PCCA: variants seen among roughly 807,000 people sequenced by gnomAD.
PCCA encodes the protein propionyl-CoA carboxylase subunit alpha, also known as propionyl-CoA carboxylase alpha chain, mitochondrial.
A neutral mutation model predicts 101.3 loss-of-function variants in PCCA; 74 were observed. The ratio of observed to expected loss-of-function variants is 0.73; its 90% confidence interval spans 0.61 to 0.89. PCCA has a LOEUF of 0.89. Among genes scored for constraint, PCCA ranks in the 40% least tolerant of loss-of-function variants. PCCA has a pLI of 0.00. For missense variants in PCCA, 891 were observed against 907.0 expected (o/e 0.98, Z 0.23); for synonymous variants, 294 against 313.6 (o/e 0.94, Z 0.66).
At chr13:100,170,488 A>G (rs2055523166) in intron 6 of PCCA, among the ~76,000 whole-genome samples, 1 of 152,240 alleles carries the variant, frequency 6.6e-6, no homozygotes, top group Non-Finnish European at 1.5e-5. Context: ...AGGATATTAC[A>G]ATGTTCCTAA....
chr13:100,440,828 T>C (rs1387213674), intron 20 of PCCA, among the ~76,000 whole-genome samples: 4 of 152,192 alleles, frequency 2.6e-5, no homozygotes, highest in Non-Finnish European at 4.4e-5. Context: ...TCGAATGAAG[T>C]AGGAAATGAA....
At chr13:100,529,909 C>T (rs1307441732) in intron 23 of PCCA, among the ~76,000 whole-genome samples, 189 bp from the exon 24 acceptor site, 3 of 152,140 alleles carry the variant, frequency 2.0e-5, no homozygotes, top group African/African-American at 7.2e-5. Context: ...GCCACGGCCA[C>T]GGCCACCATG....
At chr13:100,363,478 A>G (rs997366511) in intron 18 of PCCA, among the ~76,000 whole-genome samples, 9 of 152,074 alleles carry the variant, frequency 5.9e-5, no homozygotes, top group African/African-American at 1.9e-4. Context: ...CTTGCATAAC[A>G]TATCTTTTCA....
chr13:100,288,420 C>G (rs1280145117), intron 12 of PCCA, among the ~76,000 whole-genome samples: 3 of 152,198 alleles, frequency 2.0e-5, no homozygotes, highest in Non-Finnish European at 4.4e-5. Context: ...CCCCAGCCGC[C>G]CAGGTAGCTG....
At chr13:100,212,362 ATAG>A (rs1186538535) in intron 7 of PCCA, among the ~76,000 whole-genome samples, 6 of 152,254 alleles carry the variant, frequency 3.9e-5, no homozygotes, top group Non-Finnish European at 5.9e-5. Flanking sequence ...CATGGGACAC[ATAG>A]TAGACTATGT....
intron 19 of PCCA, among the ~76,000 whole-genome samples, chr13:100,382,155 C>T (rs950734763): frequency 2.0e-5 from 3 of 152,210 alleles, no homozygotes; most frequent in South Asian, 2.1e-4. Flanking sequence ...TGAGGTCACA[C>T]GAACTAATTG....
At chr13:100,409,338 T>G (rs2077882656) in intron 19 of PCCA, among the ~76,000 whole-genome samples, 2 of 152,166 alleles carry the variant, frequency 1.3e-5, no homozygotes, top group Admixed American at 6.5e-5. Flanking sequence ...GGACTTTTCC[T>G]TAGTTCGGCT....
At chr13:100,444,223 A>G (rs192613533) in intron 20 of PCCA, among the ~76,000 whole-genome samples, 15 of 140,580 alleles carry the variant, frequency 1.1e-4, no homozygotes, top group East Asian at 1.0e-3. Context: ...TTTTTTTGAG[A>G]CGGTGTCTCG....
At chr13:100,318,932 C>T (rs909209002) in intron 16 of PCCA, among the ~76,000 whole-genome samples, 3 of 152,144 alleles carry the variant, frequency 2.0e-5, no homozygotes, top group African/African-American at 7.2e-5. Context: ...AATGGTTGAA[C>T]TAGTTTACAG....
At chr13:100,179,712 A>G (rs563511211) in intron 6 of PCCA, among the ~76,000 whole-genome samples, 1 of 103,116 alleles carries the variant, frequency 9.7e-6, no homozygotes, top group East Asian at 2.0e-4. Flanking sequence ...TCTTCCCACA[A>G]TGGTTTATTT....
chr13:100,170,450 G>T (rs1386603294), intron 6 of PCCA, among the ~76,000 whole-genome samples: 3 of 152,126 alleles, frequency 2.0e-5, no homozygotes, highest in African/African-American at 7.2e-5. Flanking sequence ...GATCACTGGG[G>T]CTTTGTTTCT....
At chr13:100,429,890 A>C (rs1325745109) in intron 20 of PCCA, among the ~76,000 whole-genome samples, 3 of 151,650 alleles carry the variant, frequency 2.0e-5, no homozygotes, top group East Asian at 3.9e-4. Context: ...TACAGGTGTG[A>C]GCCATCACAC....
chr13:100,151,598 AAACC>A (rs904009177), intron 4 of PCCA, among the ~76,000 whole-genome samples: 3 of 152,168 alleles, frequency 2.0e-5, no homozygotes, highest in Admixed American at 6.5e-5. Context: ...CTCAAAAAAA[AAACC>A]AAACAAACAG....
intron 6 of PCCA, among the ~76,000 whole-genome samples, chr13:100,200,090 T>G (rs996579016): frequency 2.6e-5 from 4 of 152,056 alleles, no homozygotes; most frequent in African/African-American, 9.7e-5. Context: ...CTGTTCCAAC[T>G]CTTTATTTTT....
At chr13:100,369,537 C>G (rs1212695437) in intron 19 of PCCA, among the ~76,000 whole-genome samples, 1 of 152,160 alleles carries the variant, frequency 6.6e-6, no homozygotes, top group African/African-American at 2.4e-5. Context: ...CAGTTCCAAG[C>G]TGTTGCCCTG....
intron 7 of PCCA, among the ~76,000 whole-genome samples, chr13:100,209,851 C>T (rs550550154): frequency 2.0e-5 from 3 of 152,182 alleles, no homozygotes; most frequent in Admixed American, 6.5e-5. Flanking sequence ...AGGCTGGTCT[C>T]GAACTCCTGA....
At chr13:100,170,478 A>G (rs1413508479) in intron 6 of PCCA, among the ~76,000 whole-genome samples, 1 of 152,216 alleles carries the variant, frequency 6.6e-6, no homozygotes, top group Non-Finnish European at 1.5e-5. Flanking sequence ...TCCTTATTTA[A>G]GGATATTACA....
chr13:100,138,188 G>A (rs1160436957), intron 4 of PCCA, among the ~76,000 whole-genome samples: 2 of 151,698 alleles, frequency 1.3e-5, no homozygotes, highest in Non-Finnish European at 2.9e-5. Context: ...CACTCTTTGT[G>A]TCTTCTTTTG....
At position 100,257,638 on chromosome 13, in the gene PCCA, A is replaced by C. The variant is rs749118295; in HGVS notation, c.681A>C (p.Lys227Asn). 3.7e-6 allele frequency: 6 copies of C among 1,613,756 alleles called. No individual in the cohort carries two copies. Among genetic ancestry groups the C allele is most frequent in the Admixed American group, 1.7e-5 (1 of 59,966 alleles). The stretch of plus-strand genomic sequence containing the variant: ...AGGCCTCAGCAGGTGGTGGTGGGAA[A>C]GGCATGCGCATTGCTTGGGATGATG... Reference protein sequence around the residue: ...MIKASAGGGGKGMRIAWDDEE... With the variant: ...MIKASAGGGGNGMRIAWDDEE... Residue 227 changes from lysine to asparagine, a missense_variant, in exon 9 of 24, where the codon AAA becomes AAC. Lys to Asn is a moderately conservative substitution (Grantham distance 94). Coordinates refer to ENST00000376285, the MANE Select transcript of PCCA (RefSeq NM_000282.4).
Sources: allele counts gnomAD v4.1 joint callset (sites outside exome capture counted in the v4.1 genomes callset), GRCh38; gene constraint gnomAD v4.1.1; transcripts MANE v1.5; gene names NCBI Gene and HGNC (gene_info 2026-07-23, HGNC 2026-07-21).